EXOC4: variants seen among roughly 807,000 people sequenced by gnomAD.
EXOC4 encodes SEC8-like 1.
EXOC4 carries 71 observed loss-of-function variants against 107.2 expected under a neutral mutation model. That is an observed-to-expected ratio of 0.66 (90% CI 0.55 to 0.81). EXOC4 has a LOEUF of 0.81. Among genes scored for constraint, EXOC4 ranks in the 30% least tolerant of loss-of-function variants. The pLI is 0.00. For synonymous variants in EXOC4, 456 were observed against 441.2 expected (o/e 1.03, Z -0.42); for missense variants, 1,108 against 1,189.6 (o/e 0.93, Z 1.01).
intron 1 of EXOC4, among the ~76,000 whole-genome samples, chr7:133,260,903 T>C (rs1026837030): frequency 6.6e-6 from 1 of 152,208 alleles, no homozygotes; most frequent in Non-Finnish European, 1.5e-5. Flanking sequence ...TTGATGTTCA[T>C]TAAAAAATGC....
At chr7:133,823,849 A>ATATATATATATATATAT (rs1797594245) in intron 11 of EXOC4, among the ~76,000 whole-genome samples, 5 of 10,304 alleles carry the variant, frequency 4.9e-4, no homozygotes, top group South Asian at 3.9e-3. Context: ...TATATTATAT[A>ATATATATATATATATAT]TATATATATA....
intron 9 of EXOC4, among the ~76,000 whole-genome samples, chr7:133,549,667 C>G (rs1339417364): frequency 6.6e-6 from 1 of 152,140 alleles, no homozygotes; most frequent in Non-Finnish European, 1.5e-5. Flanking sequence ...TATAAACGTT[C>G]TGGGTACAGG....
intron 9 of EXOC4, among the ~76,000 whole-genome samples, chr7:133,499,634 T>C (rs1174590698): frequency 1.3e-5 from 2 of 152,140 alleles, no homozygotes; most frequent in East Asian, 3.8e-4. Flanking sequence ...CCAAATCTCA[T>C]GTCAAATTGT....
intron 11 of EXOC4, among the ~76,000 whole-genome samples, chr7:133,844,917 A>G (rs1798093903): frequency 6.6e-6 from 1 of 152,110 alleles, no homozygotes; most frequent in Non-Finnish European, 1.5e-5. Context: ...CATTAAAACC[A>G]CACTAGATTT....
intron 7 of EXOC4, among the ~76,000 whole-genome samples, chr7:133,455,787 A>G (rs1195031816): frequency 6.6e-6 from 1 of 152,228 alleles, no homozygotes; most frequent in Non-Finnish European, 1.5e-5. Flanking sequence ...ATTTTGACTT[A>G]AAGATTGAAC....
At chr7:133,488,161 C>G (rs1329503481) in intron 9 of EXOC4, among the ~76,000 whole-genome samples, 2 of 152,012 alleles carry the variant, frequency 1.3e-5, no homozygotes, top group Non-Finnish European at 2.9e-5. Flanking sequence ...TAGAAATTTT[C>G]CTTTATGAAG....
chr7:133,576,840 A>T, intron 9 of EXOC4: 3 of 1,289,682 alleles, frequency 2.3e-6, no homozygotes, highest in Non-Finnish European at 3.0e-6. Context: ...TTTAGGGCCA[A>T]TTAATTCATC....
chr7:133,498,649 A>G (rs1799523355), intron 9 of EXOC4, among the ~76,000 whole-genome samples: 1 of 152,232 alleles, frequency 6.6e-6, no homozygotes, highest in Non-Finnish European at 1.5e-5. Context: ...TCTAACTGCC[A>G]TCATCTCTTG....
At chr7:134,016,942 C>G (rs945929483) in intron 17 of EXOC4, among the ~76,000 whole-genome samples, 41 of 152,220 alleles carry the variant, frequency 2.7e-4, no homozygotes, top group African/African-American at 9.9e-4. Flanking sequence ...TCTTCTGAAT[C>G]AAGAGTGGGT....
intron 7 of EXOC4, among the ~76,000 whole-genome samples, chr7:133,409,358 T>C (rs1353509197): frequency 6.6e-6 from 1 of 152,210 alleles, no homozygotes; most frequent in Non-Finnish European, 1.5e-5. Flanking sequence ...TGTATAAATG[T>C]CTGTGCTACA....
rs1799997446 is a variant in EXOC4 at position 133,522,380 on chromosome 7, T to A, written c.1417+42242T>A. On this transcript the variant is annotated intron_variant, in intron 9 of 17. Transcript: ENST00000253861. ...CCGCTTGTAGATAAAGACAGTAATATGATGGAGTGATCAAATACAAATGCT... is the reference window on the plus strand; with the variant it reads ...CCGCTTGTAGATAAAGACAGTAATAAGATGGAGTGATCAAATACAAATGCT... Among the ~76,000 whole-genome samples, 3 of 152,166 alleles carry A rather than the reference T, an allele frequency of 2.0e-5. No homozygotes were observed. The South Asian group carries it at 6.2e-4, about 31-fold the overall frequency.
chr7:133,630,420 C>G (rs894625405), intron 10 of EXOC4, among the ~76,000 whole-genome samples: 1 of 152,134 alleles, frequency 6.6e-6, no homozygotes, highest in South Asian at 2.1e-4. Context: ...CTCCCTCCCT[C>G]TCTCTGTTTT....
At chr7:133,508,894 A>G (rs574981723) in intron 9 of EXOC4, among the ~76,000 whole-genome samples, 108 of 152,296 alleles carry the variant, frequency 7.1e-4, no homozygotes, top group African/African-American at 2.4e-3. Context: ...ATAGAGAGAT[A>G]TTATCATTGT....
intron 10 of EXOC4, among the ~76,000 whole-genome samples, chr7:133,693,087 T>A (rs1157461537): frequency 6.6e-6 from 1 of 152,168 alleles, no homozygotes; most frequent in Non-Finnish European, 1.5e-5. Flanking sequence ...TAAGAAGTAC[T>A]GAGTCACACG....
rs530246740 is a variant in EXOC4, at chr7:133,933,864, C to T, written c.2028-4027C>T. Among the ~76,000 whole-genome samples, 5 of 152,260 alleles carry T rather than the reference C, an allele frequency of 3.3e-5. No homozygotes were observed. In the East Asian group the frequency reaches 5.8e-4, roughly 18 times the overall value. ...TTCTCTCATATGTGGTGAGACGTTC[C>T]GTTTTTCTCTTCACTAAAACGTGAA... On this transcript the variant is annotated intron_variant, in intron 13 of 17. Coordinates refer to ENST00000253861, the MANE Select transcript of EXOC4 (RefSeq NM_021807.4).
chr7:134,053,400 T>C (rs994906456), intron 17 of EXOC4, among the ~76,000 whole-genome samples: 5 of 152,058 alleles, frequency 3.3e-5, no homozygotes, highest in Non-Finnish European at 7.4e-5. Context: ...TATGTTACTA[T>C]TTCCTTTTCT....
intron 9 of EXOC4, among the ~76,000 whole-genome samples, chr7:133,575,151 T>C (rs1017549129): frequency 1.1e-4 from 16 of 152,188 alleles, no homozygotes; most frequent in African/African-American, 3.9e-4. Flanking sequence ...CTTCTTAGCT[T>C]AGAGTTACCC....
intron 10 of EXOC4, among the ~76,000 whole-genome samples, chr7:133,719,675 C>A (rs1795066902): frequency 6.6e-6 from 1 of 151,834 alleles, no homozygotes; most frequent in Non-Finnish European, 1.5e-5. Context: ...TTTAATAAGG[C>A]ATAGTGACAA....
chr7:134,041,412 C>G (rs1795513811), intron 17 of EXOC4, among the ~76,000 whole-genome samples: 1 of 152,102 alleles, frequency 6.6e-6, no homozygotes, highest in Non-Finnish European at 1.5e-5. Flanking sequence ...ACATTAATAA[C>G]TGATATTTAA....
Sources: gnomAD v4.1 joint callset for allele counts (sites outside exome capture counted in the v4.1 genomes callset) on GRCh38, gnomAD v4.1.1 for gene constraint, MANE v1.5 for transcripts, NCBI Gene and HGNC (gene_info 2026-07-23, HGNC 2026-07-21) for gene names.